Variants in PPIG observed in about 807,000 individuals in gnomAD.
PPIG encodes peptidylprolyl isomerase G.
A neutral mutation model predicts 87.9 loss-of-function variants in PPIG; 26 were observed. The ratio of observed to expected loss-of-function variants is 0.30; its 90% CI spans 0.22 to 0.41. PPIG has a LOEUF of 0.41. Among genes scored for constraint, PPIG ranks in the 10% least tolerant of loss-of-function variants. PPIG has a pLI of 1.00. For synonymous variants in PPIG, 308 were observed against 276.5 expected, an observed-to-expected ratio of 1.11 and a Z score of -1.13; for missense variants, 722 against 879.4, an observed-to-expected ratio of 0.82 and a Z score of 2.26.
intron 1 of PPIG, among the ~76,000 whole-genome samples, chr2:169,596,286 G>A (rs1188022123): frequency 6.6e-6 from 1 of 151,286 alleles, no homozygotes. Context: ...TGTATTTTTA[G>A]TAGAGATGGG....
intron 11 of PPIG, among the ~76,000 whole-genome samples, chr2:169,632,640 C>T (rs1558901952): frequency 6.6e-6 from 1 of 151,888 alleles, no homozygotes; most frequent in South Asian, 2.1e-4. Flanking sequence ...ACTCAGGAGG[C>T]TGAGGCAGGA....
chr2:169,585,840 G>A (rs542230447), intron 1 of PPIG, among the ~76,000 whole-genome samples: 1 of 152,180 alleles, frequency 6.6e-6, no homozygotes, highest in Admixed American at 6.5e-5. Context: ...CAGGAAAAAA[G>A]AGTGAGTGTG....
chr2:169,615,489 C>T (rs944124588), intron 9 of PPIG, among the ~76,000 whole-genome samples: 2 of 152,188 alleles, frequency 1.3e-5, no homozygotes, highest in Non-Finnish European at 2.9e-5. Flanking sequence ...TCTCTAATCC[C>T]ATGGGAACCA....
intron 1 of PPIG, among the ~76,000 whole-genome samples, chr2:169,599,196 C>T (rs1033812098): frequency 3.3e-5 from 5 of 151,906 alleles, no homozygotes; most frequent in Non-Finnish European, 7.4e-5. Flanking sequence ...TAAATGAGGT[C>T]ATTTTTTATT....
At chr2:169,613,235 T>C (rs1685536381) in intron 7 of PPIG, among the ~76,000 whole-genome samples, 1 of 152,210 alleles carries the variant, frequency 6.6e-6, no homozygotes, top group African/African-American at 2.4e-5. Context: ...TAGGTGATTT[T>C]AGTGAGTTGA....
intron 1 of PPIG, among the ~76,000 whole-genome samples, chr2:169,594,625 CTTTTT>C (rs61375406): frequency 2.6e-5 from 3 of 114,632 alleles, no homozygotes; most frequent in Non-Finnish European, 1.8e-5. Context: ...TCTTTCTTTT[CTTTTT>C]TTTTTTTTTT....
chr2:169,590,129 C>CAA (rs59876325), intron 1 of PPIG, among the ~76,000 whole-genome samples: 54,077 of 138,492 alleles, frequency 0.39, 10,663 homozygotes, highest in East Asian at 0.58. Flanking sequence ...CGACAACAAC[C>CAA]AAAAAAAAAA....
intron 12 of PPIG, among the ~76,000 whole-genome samples, chr2:169,635,330 T>C (rs752583640): frequency 3.0e-4 from 45 of 152,224 alleles, no homozygotes; most frequent in Non-Finnish European, 4.7e-4. Context: ...AGTACTACTT[T>C]CCCTTGCAGT....
chr2:169,590,807 A>G (rs1313437377), intron 1 of PPIG, among the ~76,000 whole-genome samples: 2 of 152,054 alleles, frequency 1.3e-5, no homozygotes, highest in Admixed American at 6.6e-5. Flanking sequence ...TTAATCGTTA[A>G]AAATAATTTA....
At chr2:169,632,910 T>C (rs974949148) in intron 11 of PPIG, among the ~76,000 whole-genome samples, 8 of 150,906 alleles carry the variant, frequency 5.3e-5, no homozygotes, top group Non-Finnish European at 1.0e-4. Flanking sequence ...GAGGCCAAGG[T>C]GGGCAGATCA....
At chr2:169,631,234 T>A (rs1020958478) in intron 10 of PPIG, among the ~76,000 whole-genome samples, 3 of 152,176 alleles carry the variant, frequency 2.0e-5, no homozygotes, top group Non-Finnish European at 4.4e-5. Flanking sequence ...GTTACAGATT[T>A]GTGTGTTTTA....
chr2:169,630,767 A>G lies in PPIG; in HGVS notation c.548-7A>G, dbSNP rs1162310244. 4 of 1,582,634 alleles carry G rather than the reference A, an allele frequency of 2.5e-6. No individual in the cohort carries two copies. Among genetic ancestry groups the G allele is most frequent in the African/African-American group, 1.4e-5 (1 of 72,760 alleles). On this transcript the variant is annotated splice_polypyrimidine_tract_variant and splice_region_variant and intron_variant, in intron 9 of 13. Coordinates refer to ENST00000260970, the MANE Select transcript of PPIG (RefSeq NM_004792.3). ...TGTTGATCAAAACCTTTTTGTTTTT[A>G]TTAAAGTTAAGAAAGAAGAAAAGAA...
intron 9 of PPIG, among the ~76,000 whole-genome samples, chr2:169,620,182 C>T (rs558053172): frequency 9.9e-5 from 15 of 152,094 alleles, no homozygotes; most frequent in East Asian, 1.9e-4. Flanking sequence ...GAGCTTTTTC[C>T]GTGTGTTTTC....
At chr2:169,598,095 G>A (rs1685072840) in intron 1 of PPIG, among the ~76,000 whole-genome samples, 3 of 151,346 alleles carry the variant, frequency 2.0e-5, no homozygotes, top group Admixed American at 6.6e-5. Flanking sequence ...CCGCATCCTG[G>A]GCCCAAATGA....
At chr2:169,608,782 T>A in intron 7 of PPIG, 24 bp downstream of exon 7, 1 of 1,546,876 alleles carries the variant, frequency 6.5e-7, no homozygotes, top group Non-Finnish European at 8.9e-7. Context: ...ATCTGATGAT[T>A]TAAAACATCC....
intron 5 of PPIG, 49 bp downstream of exon 5, chr2:169,606,195 C>A: frequency 7.4e-7 from 1 of 1,356,710 alleles, no homozygotes; most frequent in Non-Finnish European, 1.1e-6. Context: ...TATCACAGAT[C>A]TCAAAGTTAG....
chr2:169,592,567 G>A (rs1253314849), intron 1 of PPIG, among the ~76,000 whole-genome samples: 1 of 152,042 alleles, frequency 6.6e-6, no homozygotes, highest in Non-Finnish European at 1.5e-5. Context: ...GCCTCCCAGA[G>A]TGCTGGGATT....
In PPIG at chr2:169,639,709, A is replaced by G. The variant is rs909590300; in HGVS notation, c.*2186A>G. On this transcript the variant is annotated 3_prime_UTR_variant, in exon 14 of 14. Coordinates refer to ENST00000260970, the MANE Select transcript of PPIG (RefSeq NM_004792.3). Reference sequence around the variant, plus strand: ...CAACTAGATTTTATTTTTAGAATATAAAGAACATTTTTAAAATGATTAAAC... The same window carrying G: ...CAACTAGATTTTATTTTTAGAATATGAAGAACATTTTTAAAATGATTAAAC... 6.6e-6 allele frequency: 1 copy of G among 152,176 alleles called. No individual in the cohort carries two copies. The highest frequency in any genetic ancestry group is 1.5e-5 in the Non-Finnish European group (1 of 67,998). 9.4% of individuals were successfully genotyped at this position (152,176 alleles called of 1,614,324 possible).
chr2:169,614,819 A>C, intron 9 of PPIG, 95 bp downstream of exon 9: 1 of 1,361,096 alleles, frequency 7.3e-7, no homozygotes, highest in Non-Finnish European at 9.8e-7. Context: ...CTCAAGCTGA[A>C]AGAAAAATGA....
Sources: allele counts gnomAD v4.1 joint callset (sites outside exome capture counted in the v4.1 genomes callset), GRCh38; gene constraint gnomAD v4.1.1; transcripts MANE v1.5; gene names NCBI Gene and HGNC (gene_info 2026-07-23, HGNC 2026-07-21).